Variants in RAB1A observed in about 807,000 individuals in gnomAD.
RAB1A encodes the protein ras-related protein Rab-1A.
RAB1A carries 2 observed loss-of-function variants against 26.0 expected under a neutral mutation model. The ratio of observed to expected loss-of-function variants is 0.08; its 90% CI spans 0.03 to 0.24. The LOEUF is 0.24. RAB1A is among the 10% of genes least tolerant of loss of function. RAB1A has a pLI of 1.00. For synonymous variants in RAB1A, 84 were observed against 84.9 expected, an observed-to-expected ratio of 0.99 and a Z score of 0.06; for missense variants, 100 against 247.0, an observed-to-expected ratio of 0.40 and a Z score of 3.99.
chr2:65,097,997 C>T lies in RAB1A; in HGVS notation c.166G>A (p.Asp56Asn). ...ATTTGAAGCTTGATTGTTTTCCCGTCTAACTCTATAGTTCTTATTTTGAAA... is the reference window on the plus strand; with the variant it reads ...ATTTGAAGCTTGATTGTTTTCCCGTTTAACTCTATAGTTCTTATTTTGAAA... ...VDFKIRTIEL[D>N]GKTIKLQIWD... The change falls in exon 3 of 6, where the codon GAC becomes AAC. Residue 56 changes from aspartate (D) to asparagine (N), a missense_variant. Around this residue, in one of 2 missense-constraint regions of RAB1A, gnomAD observed 33 missense variants for 124.2 expected, o/e 0.27. Transcript: ENST00000409784. The T allele has an allele frequency of 2.5e-6, 4 of 1,578,166 alleles. No homozygotes were observed. Among genetic ancestry groups the T allele is most frequent in the Non-Finnish European group, 3.5e-6 (4 of 1,158,994 alleles).
At chr2:65,097,124 G>C (rs1007853776) in intron 3 of RAB1A, among the ~76,000 whole-genome samples, 4 of 151,932 alleles carry the variant, frequency 2.6e-5, no homozygotes, top group Admixed American at 6.5e-5. Context: ...AATTCCATGT[G>C]TCATCAGTTC....
chr2:65,122,840 G>T (rs550039845), intron 1 of RAB1A, among the ~76,000 whole-genome samples: 1 of 151,488 alleles, frequency 6.6e-6, no homozygotes, highest in African/African-American at 2.4e-5. Flanking sequence ...GCCTGGCGGC[G>T]GGCACCTGTA....
chr2:65,128,950 T>C (rs548693363), intron 1 of RAB1A, among the ~76,000 whole-genome samples: 2 of 152,240 alleles, frequency 1.3e-5, no homozygotes, highest in Non-Finnish European at 2.9e-5. Context: ...TGGTGACTTC[T>C]TGAGTAAGCA....
intron 1 of RAB1A, among the ~76,000 whole-genome samples, chr2:65,117,566 A>G (rs1054222853): frequency 1.3e-5 from 2 of 151,950 alleles, no homozygotes; most frequent in African/African-American, 4.8e-5. Flanking sequence ...TAAAATTTTA[A>G]ATTCTTTTTT....
chr2:65,096,325 A>C (rs1001612776), intron 3 of RAB1A, among the ~76,000 whole-genome samples: 2 of 152,186 alleles, frequency 1.3e-5, no homozygotes, highest in African/African-American at 2.4e-5. Context: ...AAAAAATAAA[A>C]AAACAAACAA....
At chr2:65,089,390 A>AT (rs60481252) in intron 4 of RAB1A, among the ~76,000 whole-genome samples, 5,974 of 149,898 alleles carry the variant, frequency 0.04, 383 homozygotes, top group African/African-American at 0.14. Context: ...TTTTTTTTGG[A>AT]TTTTTTGTAT....
intron 5 of RAB1A, 69 bp from the exon 6 acceptor site, chr2:65,088,759 A>G: frequency 7.2e-7 from 1 of 1,394,044 alleles, no homozygotes; most frequent in South Asian, 1.4e-5. Flanking sequence ...CATTTCTACC[A>G]TCCATAATGG....
chr2:65,095,069 G>A (rs1024688933), intron 3 of RAB1A, among the ~76,000 whole-genome samples: 2 of 152,120 alleles, frequency 1.3e-5, no homozygotes, highest in Non-Finnish European at 1.5e-5. Flanking sequence ...ATCATGTAGT[G>A]AGCTGACCGC....
intron 1 of RAB1A, among the ~76,000 whole-genome samples, chr2:65,122,714 C>T (rs1334041339): frequency 6.6e-6 from 1 of 152,094 alleles, no homozygotes; most frequent in East Asian, 1.9e-4. Flanking sequence ...TGGTGGCTCA[C>T]GCCTGTAATC....
Position 65,089,086 on chromosome 2 carries a change from A to G in RAB1A, c.289-16T>C. The G allele has an allele frequency of 6.3e-7, 1 of 1,591,598 alleles. No individual in the cohort carries two copies. The highest frequency in any genetic ancestry group is 2.2e-5 in the East Asian group (1 of 44,710). ...TGAAGGACTCCTAAAAAGACATTTG[A>G]AAGACTGATAATATAGTTCGATAAT... On this transcript the variant is annotated splice_polypyrimidine_tract_variant and intron_variant, in intron 4 of 5. Transcript: ENST00000409784.
rs1669083391 is a variant in RAB1A, at chr2:65,088,263, T to C, written c.*230A>G. The C allele has an allele frequency of 2.3e-6, 1 of 444,332 alleles. No homozygotes were observed. The highest frequency in any genetic ancestry group is 2.0e-5 in the African/African-American group (1 of 49,412). The allele number at this position is 444,332 out of a possible 1,614,324, so 27.5% of individuals were successfully genotyped here. ...GCAACAAGGATTACACACATTATTT[T>C]ATAAACCAGCACACAAAGGTTTAAA... On this transcript the variant is annotated 3_prime_UTR_variant, in exon 6 of 6. Coordinates refer to ENST00000409784, the MANE Select transcript of RAB1A (RefSeq NM_004161.5).
At chr2:65,118,374 T>C (rs914025551) in intron 1 of RAB1A, among the ~76,000 whole-genome samples, 3 of 152,192 alleles carry the variant, frequency 2.0e-5, no homozygotes, top group South Asian at 2.1e-4. Flanking sequence ...GCAGAGTCCA[T>C]GTTTTGTAAT....
At chr2:65,126,915 G>A (rs896996991) in intron 1 of RAB1A, among the ~76,000 whole-genome samples, 2 of 152,110 alleles carry the variant, frequency 1.3e-5, no homozygotes, top group African/African-American at 4.8e-5. Flanking sequence ...AAAAGAAACT[G>A]CTTAAGTCAG....
At chr2:65,090,906 T>G in intron 4 of RAB1A, 77 bp downstream of exon 4, 1 of 918,538 alleles carries the variant, frequency 1.1e-6, no homozygotes, top group Non-Finnish European at 1.6e-6. Flanking sequence ...ATATATGAAG[T>G]AGTAAATGAA....
At chr2:65,121,804 T>C (rs1370491407) in intron 1 of RAB1A, among the ~76,000 whole-genome samples, 3 of 152,162 alleles carry the variant, frequency 2.0e-5, no homozygotes, top group South Asian at 2.1e-4. Flanking sequence ...GGGGGGAGTC[T>C]GGGCATTTTG....
chr2:65,101,433 G>A (rs1486586843), intron 2 of RAB1A, among the ~76,000 whole-genome samples: 3 of 152,034 alleles, frequency 2.0e-5, no homozygotes, highest in Non-Finnish European at 4.4e-5. Context: ...TAGTCCTCAC[G>A]ATTGTCTCTA....
In RAB1A at chr2:65,096,270, G is replaced by A. The variant is rs568406606; in HGVS notation, c.192+1701C>T. On this transcript the variant is annotated intron_variant, in intron 3 of 5. Coordinates refer to ENST00000409784, the MANE Select transcript of RAB1A (RefSeq NM_004161.5). ...GCGGAGGTTGCAGTGAGCTCAAATCGCGCCACTGCACTCCAGCCTGGGAGA... is the reference window on the plus strand; with the variant it reads ...GCGGAGGTTGCAGTGAGCTCAAATCACGCCACTGCACTCCAGCCTGGGAGA... 3.3e-5 allele frequency among the ~76,000 whole-genome samples: 5 copies of A among 152,150 alleles called. No homozygotes were observed. The South Asian group carries it at 8.3e-4, about 25-fold the overall frequency.
intron 2 of RAB1A, among the ~76,000 whole-genome samples, chr2:65,100,400 C>CAAAAAAA (rs34166798): frequency 1.7e-5 from 1 of 57,976 alleles, no homozygotes; most frequent in African/African-American, 7.0e-5. Flanking sequence ...GTCTCTGTCT[C>CAAAAAAA]AAAAAAAAAA....
In RAB1A at chr2:65,103,304, A is replaced by AAAAAAAAAAAAAAAAAAAAAC. The variant is rs757626011; in HGVS notation, c.96+1429_96+1430insGTTTTTTTTTTTTTTTTTTTT. On this transcript the variant is annotated intron_variant, in intron 2 of 5. Transcript: ENST00000409784. ...AACACAGCCAGAATCTGTCTCAAAA[A>AAAAAAAAAAAAAAAAAAAAAC]AAAAAAAAAACATTGTTTTATGTGA... Among the ~76,000 whole-genome samples the AAAAAAAAAAAAAAAAAAAAAC allele has an allele frequency of 3.5e-4, 39 of 112,510 alleles. 1 individual carries two copies. The highest frequency in any genetic ancestry group is 5.6e-4 in the East Asian group (2 of 3,602). 73.8% of individuals were successfully genotyped at this position (112,510 alleles called of 152,430 possible).
Sources: allele counts gnomAD v4.1 joint callset (sites outside exome capture counted in the v4.1 genomes callset), GRCh38; gene constraint gnomAD v4.1.1; regional missense constraint gnomAD v4.1.1; transcripts MANE v1.5; gene names NCBI Gene and HGNC (gene_info 2026-07-23, HGNC 2026-07-21).